The following DBH variants were observed in gnomAD, a reference collection of about 807,000 sequenced individuals.
The protein encoded by DBH is dopamine beta-hydroxylase, also known as dopamine beta-hydroxylase (dopamine beta-monooxygenase).
In DBH, 49 loss-of-function variants were observed where a neutral mutation model predicts 64.0. The observed-to-expected ratio is 0.77, with a 90% confidence interval of 0.61 to 0.97. The LOEUF (loss-of-function observed/expected upper bound fraction) is 0.97. Ranked by LOEUF, DBH falls within the 50% of genes least tolerant of loss-of-function variation. DBH has a pLI of 0.00. For synonymous variants in DBH, 343 were observed against 347.1 expected (o/e 0.99, Z 0.13); for missense variants, 828 against 826.6 (o/e 1.00, Z -0.02).
intron 6 of DBH, among the ~76,000 whole-genome samples, chr9:133,651,308 C>T (rs566839125): frequency 2.2e-4 from 34 of 152,236 alleles, no homozygotes; most frequent in Middle Eastern, 3.2e-3. Context: ...ACGGGAGGCT[C>T]GCCTTAAAGG....
chr9:133,653,068 A>C (rs1832271305), intron 9 of DBH, 69 bp downstream of exon 9: 1 of 1,262,210 alleles, frequency 7.9e-7, no homozygotes, highest in African/African-American at 1.5e-5. Context: ...CTGAGGAAGG[A>C]TGACAGGTCT....
chr9:133,636,515 C>A lies in DBH; in HGVS notation c.144C>A (p.Pro48=). ...CGGCTCCCCGTGAGAGCCCCCTCCC[C>A]TATCACATCCCCCTGGACCCGGAGG... ...QGSAPRESPL[P]YHIPLDPEGS... is the part of the protein sequence containing the mutation. Residue 48 remains proline (P), a synonymous_variant, in exon 1 of 12, where the codon CCC becomes CCA. Coordinates refer to ENST00000393056, the MANE Select transcript of DBH (RefSeq NM_000787.4). 6.2e-7 allele frequency: 1 copy of A among 1,613,458 alleles called. No individual in the cohort carries two copies. The highest frequency in any genetic ancestry group is 8.5e-7 in the Non-Finnish European group (1 of 1,180,028).
Position 133,643,329 on chromosome 9 carries a change from C to T in DBH, c.745-84C>T. 7.1e-7 allele frequency: 1 copy of T among 1,405,808 alleles called. No individual in the cohort carries two copies. Among genetic ancestry groups the T allele is most frequent in the Non-Finnish European group, 1.0e-6 (1 of 1,003,692 alleles). 87.1% of individuals were successfully genotyped at this position (1,405,808 alleles called of 1,614,324 possible). ...TCATCCCTCCCATTTTACAGATGGG[C>T]ATTCGGAAGCCCATGGAGGAGGGCT... On this transcript the variant is annotated intron_variant, in intron 3 of 11. Coordinates refer to ENST00000393056, the MANE Select transcript of DBH (RefSeq NM_000787.4). This position sits in a 1 kb window ranked among gnomAD's most constrained non-coding sequence, Gnocchi z 5.3.
intron 9 of DBH, 58 bp downstream of exon 9, chr9:133,653,057 T>G: frequency 7.4e-7 from 1 of 1,354,726 alleles, no homozygotes. Context: ...GCCTGAGCCA[T>G]CTGAGGAAGG....
chr9:133,640,050 C>G, intron 2 of DBH, 58 bp downstream of exon 2: 1 of 1,601,394 alleles, frequency 6.2e-7, no homozygotes, highest in Non-Finnish European at 8.5e-7. Flanking sequence ...ATGCTGCCAT[C>G]CTGTGCCAAT....
In DBH at chr9:133,647,848, C is replaced by A; in HGVS notation, c.1027C>A (p.Arg343=). 1 of 1,614,206 alleles carries A rather than the reference C, an allele frequency of 6.2e-7. No individual in the cohort carries two copies. The highest frequency in any genetic ancestry group is 8.5e-7 in the Non-Finnish European group (1 of 1,180,028). The change falls in exon 6 of 12, where the codon CGA becomes AGA. Residue 343 remains arginine, a splice_region_variant and synonymous_variant. Transcript: ENST00000393056. ...HYHNPLVIEG[R]NDSSGIRLYY... ...CCATCCATCCCACCTTCTCCCAGGA[C>A]GAAACGACTCCTCAGGCATCCGCTT...
intron 5 of DBH, among the ~76,000 whole-genome samples, chr9:133,646,412 C>T (rs1475402520): frequency 7.2e-5 from 11 of 152,296 alleles, no homozygotes; most frequent in East Asian, 3.9e-4. Context: ...TGAGCCCAGC[C>T]GGTACTCAGA....
In DBH at chr9:133,647,929, G is replaced by C. The variant is rs1564211470; in HGVS notation, c.1108G>C (p.Val370Leu). The C allele has an allele frequency of 6.2e-7, 1 of 1,614,134 alleles. No homozygotes were observed. The stretch of plus-strand genomic sequence containing the variant: ...CGCGGGGATCATGGAGCTGGGACTG[G>C]TGTACACGCCAGTGATGGCCATTCC... ...FNAGIMELGL[V>L]YTPVMAIPPR... The change falls in exon 6 of 12, where the codon GTG becomes CTG. Residue 370 changes from valine to leucine, a missense_variant. By Grantham distance (32) the Val-to-Leu change is conservative. Coordinates refer to ENST00000393056, the MANE Select transcript of DBH (RefSeq NM_000787.4).
In DBH at chr9:133,648,536, G is replaced by A. The variant is rs577639932; in HGVS notation, c.1191+524G>A. Among the ~76,000 whole-genome samples the A allele has an allele frequency of 4.6e-5, 7 of 152,306 alleles. No homozygotes were observed. The South Asian group carries it at 1.5e-3, about 32-fold the overall frequency. ...TTCAACAAATGGGAGGCATTTTTCT[G>A]GTGATTTGCCTTTTTATTGCTGCAT... On this transcript the variant is annotated intron_variant, in intron 6 of 11. Coordinates refer to ENST00000393056, the MANE Select transcript of DBH (RefSeq NM_000787.4).
rs1451771477 is a variant in DBH, at chr9:133,657,426, AGAGAGAGGAGAGAGAGGAGAGAGAG to A, written c.1722+206_1722+230del. 5.9e-5 allele frequency: 18 copies of A among 303,362 alleles called. No individual in the cohort carries two copies. In the African/African-American group the frequency reaches 6.1e-4, roughly 10 times the overall value. The allele number at this position is 303,362 out of a possible 1,614,324, so 18.8% of individuals were successfully genotyped here. On this transcript the variant is annotated intron_variant, in intron 11 of 11. Transcript: ENST00000393056. Reference sequence around the variant, plus strand: ...AGAGAGAGGAGAGAGGAGAGAGAGGAGAGAGAGGAGAGAGAGGAGAGAGAGGAGAGAGGGAGAGGGAGAGAGGGAG... The same window carrying A: ...AGAGAGAGGAGAGAGGAGAGAGAGGAGAGAGAGGGAGAGGGAGAGAGGGAG...
chr9:133,641,241 G>T (rs1832112614), intron 2 of DBH, among the ~76,000 whole-genome samples: 1 of 152,240 alleles, frequency 6.6e-6, no homozygotes, highest in Non-Finnish European at 1.5e-5. Flanking sequence ...CTAAGGCCCG[G>T]AGACGGGGAG....
chr9:133,652,973 A>G lies in DBH; in HGVS notation c.1408A>G (p.Thr470Ala), dbSNP rs76502318. The G allele has an allele frequency of 1.9e-6, 3 of 1,613,574 alleles. No individual in the cohort carries two copies. Among genetic ancestry groups the G allele is most frequent in the Non-Finnish European group, 2.5e-6 (3 of 1,179,800 alleles). Residue 470 changes from threonine (T) to alanine (A), a missense_variant, in exon 9 of 12, where the codon ACA (threonine) becomes GCA (alanine). Coordinates refer to ENST00000393056, the MANE Select transcript of DBH (RefSeq NM_000787.4). ...DVLITSCTYNTEDRELATVGG... is the reference protein window; with the variant it reads ...DVLITSCTYNAEDRELATVGG... ...GCTCATCACCTCCTGCACGTACAAC[A>G]CAGAAGACCGGGAGCTGGCCACAGT...
chr9:133,649,934 C>G (rs369960244), intron 6 of DBH, among the ~76,000 whole-genome samples: 7 of 152,372 alleles, frequency 4.6e-5, no homozygotes, highest in African/African-American at 1.7e-4. Context: ...TCAGTCTTGT[C>G]TCTCCTTTGG....
chr9:133,639,804 C>A (rs374548223), intron 1 of DBH, 42 bp from the exon 2 acceptor site: 3 of 1,593,894 alleles, frequency 1.9e-6, no homozygotes, highest in Non-Finnish European at 2.6e-6. Flanking sequence ...ATTGGCCCGG[C>A]TTGGCTCCTT....
At chr9:133,649,814 C>T (rs1026851653) in intron 6 of DBH, among the ~76,000 whole-genome samples, 16 of 152,334 alleles carry the variant, frequency 1.1e-4, no homozygotes, top group African/African-American at 2.2e-4. Context: ...TTGGGGCCTT[C>T]GACCCCGCTG....
chr9:133,657,398 C>A, intron 11 of DBH, 169 bp downstream of exon 11: 2 of 517,936 alleles, frequency 3.9e-6, no homozygotes, highest in Non-Finnish European at 3.3e-6. Context: ...AGCCAGCCAG[C>A]AGAGAGAGAG....
chr9:133,650,246 G>A (rs1832228049), intron 6 of DBH, among the ~76,000 whole-genome samples: 1 of 152,122 alleles, frequency 6.6e-6, no homozygotes, highest in South Asian at 2.1e-4. Flanking sequence ...CGAGAGGGAA[G>A]GAGCAAAAGT....
Position 133,636,468 on chromosome 9 carries a change from C to G in DBH, c.97C>G (p.Leu33Val). The change falls in exon 1 of 12, where the codon CTG becomes GTG. Residue 33 changes from leucine to valine, a missense_variant. Transcript: ENST00000393056. ...AGCAGTGGCCATCTTCCTGGTCATC[C>G]TGGTGGCCGCACTGCAGGGCTCGGC... ...STAVAIFLVI[L>V]VAALQGSAPR... is the part of the protein sequence containing the mutation. 6.2e-7 allele frequency: 1 copy of G among 1,612,950 alleles called. No homozygotes were observed. The highest frequency in any genetic ancestry group is 8.5e-7 in the Non-Finnish European group (1 of 1,179,708).
chr9:133,646,312 T>A (rs1588349614), intron 5 of DBH, among the ~76,000 whole-genome samples: 1 of 138,432 alleles, frequency 7.2e-6, no homozygotes, highest in Admixed American at 7.0e-5. Flanking sequence ...GCACAGCCCC[T>A]CCAGACCACC....
Sources: allele counts gnomAD v4.1 joint callset (sites outside exome capture counted in the v4.1 genomes callset), GRCh38; gene constraint gnomAD v4.1.1; non-coding constraint Gnocchi (gnomAD v3.1); transcripts MANE v1.5; gene names NCBI Gene and HGNC (gene_info 2026-07-23, HGNC 2026-07-21).